Variants in TRIM14 observed in about 807,000 individuals in gnomAD.
TRIM14 encodes tripartite motif-containing protein 14.
TRIM14 carries 28 observed loss-of-function variants against 44.5 expected under a neutral mutation model. That is an observed-to-expected ratio of 0.63 (90% CI 0.47 to 0.86). The LOEUF is 0.86. Among genes scored for constraint, TRIM14 ranks in the 40% least tolerant of loss-of-function variants. The pLI is 0.00. For missense variants in TRIM14, 607 were observed against 611.1 expected, an observed-to-expected ratio of 0.99 and a Z score of 0.07; for synonymous variants, 299 against 269.2, an observed-to-expected ratio of 1.11 and a Z score of -1.08.
rs766020017 is a variant in TRIM14, at chr9:98,084,725, A to C, written c.*2745T>G. The C allele has an allele frequency of 1.3e-5, 2 of 152,174 alleles. No individual in the cohort carries two copies. The highest frequency in any genetic ancestry group is 2.9e-5 in the Non-Finnish European group (2 of 68,080). The allele number at this position is 152,174 out of a possible 1,614,324, so 9.4% of individuals were successfully genotyped here. A position where few individuals can be genotyped will look rare whatever the true frequency, so the allele number is the denominator to read the frequency against. On this transcript the variant is annotated 3_prime_UTR_variant, in exon 6 of 6. Transcript: ENST00000341469. ...TTGCTCTGTCCCCAGGCTGGAGTGC[A>C]GTGGTGCAATCTCAGCTCACTGCAA...
the TRIM14 span, among the ~76,000 whole-genome samples, chr9:98,048,903 T>A: frequency 1.1e-4 from 16 of 149,322 alleles, no homozygotes; most frequent in African/African-American, 3.7e-4. Context: ...CACCTGTAAT[T>A]CCAGCTACCT....
the TRIM14 span, among the ~76,000 whole-genome samples, chr9:98,038,028 C>A: frequency 6.6e-6 from 1 of 151,882 alleles, no homozygotes; most frequent in Non-Finnish European, 1.5e-5. Flanking sequence ...CCAGTGCACC[C>A]GGCTCTTATT....
the TRIM14 span, among the ~76,000 whole-genome samples, chr9:98,058,307 G>GTGCT: frequency 6.6e-6 from 1 of 152,072 alleles, no homozygotes. Context: ...CATTTTTTGA[G>GTGCT]TGCTTACTCT....
At chr9:98,068,526 G>A (rs904463678), downstream of TRIM14, among the ~76,000 whole-genome samples, 14 of 151,750 alleles carry the variant, frequency 9.2e-5, no homozygotes, top group African/African-American at 3.4e-4. Flanking sequence ...AAAGTAAAAA[G>A]TGGTTGGCTG....
At chr9:98,112,209 T>C (rs1272253811) in intron 1 of TRIM14, among the ~76,000 whole-genome samples, 1 of 152,220 alleles carries the variant, frequency 6.6e-6, no homozygotes, top group Admixed American at 6.5e-5. Flanking sequence ...AAATTGTAGT[T>C]AACATATGTG....
At chr9:98,082,710 A>G (rs537405420), downstream of TRIM14, 3 of 677,904 alleles carry the variant, frequency 4.4e-6, no homozygotes, top group South Asian at 1.9e-5. Context: ...TATTCTGAGC[A>G]GTGTAGGGGG....
intron 2 of TRIM14, among the ~76,000 whole-genome samples, chr9:98,108,463 A>G (rs565374037): frequency 1.3e-5 from 2 of 152,176 alleles, no homozygotes; most frequent in East Asian, 3.9e-4. Flanking sequence ...GCCCAAGACA[A>G]TTCTTCCAGT....
intron 5 of TRIM14, among the ~76,000 whole-genome samples, chr9:98,089,649 A>G (rs1825927707): frequency 6.6e-6 from 1 of 152,254 alleles, no homozygotes; most frequent in African/African-American, 2.4e-5. Flanking sequence ...TGCCTTCAAC[A>G]GAACTCTTCC....
At chr9:98,112,889 G>A (rs1471709408) in intron 1 of TRIM14, among the ~76,000 whole-genome samples, 5 of 151,088 alleles carry the variant, frequency 3.3e-5, no homozygotes, top group Admixed American at 1.3e-4. Context: ...CGAGACAGGT[G>A]GATCACCTGA....
intron 3 of TRIM14, 61 bp downstream of exon 3, chr9:98,099,870 A>G (rs1826324760): frequency 6.8e-7 from 1 of 1,467,366 alleles, no homozygotes; most frequent in South Asian, 1.1e-5. Flanking sequence ...CAATGCCACA[A>G]TACTTGAGAT....
intron 2 of TRIM14, among the ~76,000 whole-genome samples, chr9:98,103,248 C>T (rs1826468730): frequency 6.7e-6 from 1 of 149,344 alleles, no homozygotes. Context: ...AGGGAAAGTT[C>T]TCCAGAAAAA....
intron 5 of TRIM14, 66 bp from the exon 6 acceptor site, chr9:98,088,071 A>G: frequency 2.2e-6 from 3 of 1,383,452 alleles, no homozygotes; most frequent in Non-Finnish European, 2.8e-6. Flanking sequence ...GCCCCCGGGA[A>G]CCCACCAACG....
At chr9:98,061,936 C>T in the TRIM14 span, among the ~76,000 whole-genome samples, 1 of 151,614 alleles carries the variant, frequency 6.6e-6, no homozygotes, top group African/African-American at 2.4e-5. Flanking sequence ...GTCTGGGAAC[C>T]AGGGCCTGGG....
intron 2 of TRIM14, among the ~76,000 whole-genome samples, chr9:98,101,550 T>G (rs1257451666): frequency 6.6e-6 from 1 of 151,984 alleles, no homozygotes. Context: ...CTCAGCCGTG[T>G]AGCTGGGACT....
At chr9:98,043,258 A>T in the TRIM14 span, among the ~76,000 whole-genome samples, 1 of 150,962 alleles carries the variant, frequency 6.6e-6, no homozygotes, top group African/African-American at 2.4e-5. Flanking sequence ...GCTCACTGCA[A>T]CCTCCCCCTC....
chr9:98,057,323 C>T, the TRIM14 span, among the ~76,000 whole-genome samples: 1 of 152,152 alleles, frequency 6.6e-6, no homozygotes, highest in Non-Finnish European at 1.5e-5. Flanking sequence ...CCTTCCAGCC[C>T]GTCATAATTC....
chr9:98,115,391 C>T (rs1827013027), intron 1 of TRIM14, among the ~76,000 whole-genome samples: 1 of 152,218 alleles, frequency 6.6e-6, no homozygotes, highest in African/African-American at 2.4e-5. Context: ...GCTGGGATTA[C>T]AGGTGCCCAC....
chr9:98,055,289 G>GGGC, the TRIM14 span, among the ~76,000 whole-genome samples: 1 of 152,172 alleles, frequency 6.6e-6, no homozygotes, highest in Non-Finnish European at 1.5e-5. Flanking sequence ...AAAGTGCTAG[G>GGGC]ATTACAGGTG....
At chr9:98,081,883 AAT>A (rs1228475954), downstream of TRIM14, 1 of 152,204 alleles carries the variant, frequency 6.6e-6, no homozygotes, top group African/African-American at 2.4e-5. Flanking sequence ...AGTAAAAAGA[AAT>A]AGTTTCTTTA....
Sources: allele counts gnomAD v4.1 joint callset (sites outside exome capture counted in the v4.1 genomes callset), GRCh38; gene constraint gnomAD v4.1.1; transcripts MANE v1.5; gene names NCBI Gene and HGNC (gene_info 2026-07-23, HGNC 2026-07-21).